The following RALYL variants were observed in gnomAD, a reference collection of about 807,000 sequenced individuals.
RALYL encodes the protein RALY RNA binding protein like, also known as RNA-binding Raly-like protein.
Under a neutral mutation model 35.1 loss-of-function variants are expected in RALYL, and 29 were observed. That is an observed-to-expected ratio of 0.83 (90% confidence interval 0.61 to 1.13). The LOEUF is 1.13. RALYL is among the 50% of genes most tolerant of loss of function. RALYL has a pLI of 0.00. For missense variants in RALYL, 359 were observed against 360.4 expected, an observed-to-expected ratio of 1.00 and a Z score of 0.03; for synonymous variants, 120 against 127.6, an observed-to-expected ratio of 0.94 and a Z score of 0.40.
At chr8:84,844,118 G>C (rs1003128509) in intron 4 of RALYL, among the ~76,000 whole-genome samples, 3 of 152,098 alleles carry the variant, frequency 2.0e-5, no homozygotes, top group African/African-American at 7.2e-5. Flanking sequence ...ATTGACAAAT[G>C]GGATCTAATT....
intron 2 of RALYL, among the ~76,000 whole-genome samples, chr8:84,621,876 A>G (rs1821591682): frequency 6.6e-6 from 1 of 152,162 alleles, no homozygotes; most frequent in African/African-American, 2.4e-5. Context: ...TTGCAGTGCT[A>G]ATTTAGCCAT....
At chr8:84,307,429 T>A (rs1444536028) in intron 1 of RALYL, among the ~76,000 whole-genome samples, 6 of 152,134 alleles carry the variant, frequency 3.9e-5, no homozygotes, top group Non-Finnish European at 7.4e-5. Context: ...ATTAAATAGT[T>A]TGCCCTCTCT....
At chr8:84,660,835 A>G (rs1830761872) in intron 2 of RALYL, among the ~76,000 whole-genome samples, 1 of 152,148 alleles carries the variant, frequency 6.6e-6, no homozygotes, top group Non-Finnish European at 1.5e-5. Context: ...AGAATTTGAA[A>G]AGAAAGTTTG....
intron 2 of RALYL, among the ~76,000 whole-genome samples, chr8:84,540,564 AG>A (rs1244117688): frequency 1.3e-5 from 2 of 150,348 alleles, no homozygotes; most frequent in Non-Finnish European, 3.0e-5. Flanking sequence ...GATAAAAAAA[AG>A]TGTTGTCTTG....
chr8:84,212,422 T>C (rs1819720670), intron 1 of RALYL, among the ~76,000 whole-genome samples: 1 of 152,166 alleles, frequency 6.6e-6, no homozygotes, highest in Admixed American at 6.6e-5. Context: ...TGGGGAGATA[T>C]GATTTTCTCA....
chr8:84,688,873 C>A (rs755099549), intron 2 of RALYL, among the ~76,000 whole-genome samples: 2 of 151,800 alleles, frequency 1.3e-5, no homozygotes, highest in Non-Finnish European at 2.9e-5. Context: ...CAATAGCGAA[C>A]AGCAAATAAT....
chr8:84,553,439 G>A (rs145459927), intron 2 of RALYL, among the ~76,000 whole-genome samples: 3 of 152,258 alleles, frequency 2.0e-5, no homozygotes, highest in African/African-American at 7.2e-5. Flanking sequence ...TTACAGGTGT[G>A]AGCCACTGTC....
chr8:84,511,756 A>C (rs956557478), intron 1 of RALYL, among the ~76,000 whole-genome samples: 1 of 151,248 alleles, frequency 6.6e-6, no homozygotes, highest in Non-Finnish European at 1.5e-5. Flanking sequence ...TCTACTCTCT[A>C]CCTCCCTTAG....
intron 2 of RALYL, among the ~76,000 whole-genome samples, chr8:84,539,911 C>G (rs556314330): frequency 1.6e-5 from 2 of 123,612 alleles, no homozygotes; most frequent in Admixed American, 8.1e-5. Context: ...TGTGTGTGTA[C>G]ATGCACAGAC....
chr8:84,844,982 G>C (rs553723151), intron 4 of RALYL, among the ~76,000 whole-genome samples: 4 of 152,082 alleles, frequency 2.6e-5, no homozygotes, highest in Admixed American at 2.0e-4. Context: ...GTGGGGGAAG[G>C]GGGGAGGGAT....
At chr8:84,687,975 T>A (rs1461657468) in intron 2 of RALYL, among the ~76,000 whole-genome samples, 2 of 152,050 alleles carry the variant, frequency 1.3e-5, no homozygotes, top group Non-Finnish European at 2.9e-5. Context: ...GATAATATAC[T>A]CATAATCAGT....
At chr8:84,207,488 A>G (rs1428017666) in intron 1 of RALYL, among the ~76,000 whole-genome samples, 6 of 152,086 alleles carry the variant, frequency 3.9e-5, no homozygotes, top group Non-Finnish European at 5.9e-5. Context: ...ATACTACATT[A>G]TATTACTTAT....
chr8:84,624,390 G>T (rs926601077), intron 2 of RALYL, among the ~76,000 whole-genome samples: 5 of 152,150 alleles, frequency 3.3e-5, no homozygotes, highest in East Asian at 1.9e-4. Flanking sequence ...CTATAGGAAA[G>T]AATCCTTTTC....
At chr8:84,693,871 T>A (rs2132199870) in intron 2 of RALYL, among the ~76,000 whole-genome samples, 1 of 151,950 alleles carries the variant, frequency 6.6e-6, no homozygotes, top group Middle Eastern at 3.4e-3. Flanking sequence ...AACCATATGA[T>A]CACCTCAAAG....
chr8:84,293,521 C>G (rs1839178046), intron 1 of RALYL, among the ~76,000 whole-genome samples: 1 of 152,096 alleles, frequency 6.6e-6, no homozygotes, highest in South Asian at 2.1e-4. Flanking sequence ...GAAATTCTCT[C>G]CTGTGGCCTG....
At chr8:84,422,318 T>C (rs2045737503) in intron 1 of RALYL, among the ~76,000 whole-genome samples, 1 of 120,278 alleles carries the variant, frequency 8.3e-6, no homozygotes, top group Non-Finnish European at 1.7e-5. Context: ...TCTTCTAGAT[T>C]TTCTAGTTTA....
At chr8:84,778,375 C>A (rs915734238) in intron 3 of RALYL, among the ~76,000 whole-genome samples, 1 of 152,132 alleles carries the variant, frequency 6.6e-6, no homozygotes, top group Non-Finnish European at 1.5e-5. Flanking sequence ...TTCAATAAGG[C>A]CTTATTATGT....
At chr8:84,765,911 T>C (rs1198010071) in intron 2 of RALYL, among the ~76,000 whole-genome samples, 1 of 152,100 alleles carries the variant, frequency 6.6e-6, no homozygotes, top group African/African-American at 2.4e-5. Flanking sequence ...CTTTTAGACT[T>C]ATTCACATTT....
In RALYL at chr8:84,536,867, C is replaced by T. The variant is rs182777821; in HGVS notation, c.256+7290C>T. Among the ~76,000 whole-genome samples the T allele has an allele frequency of 2.2e-3, 336 of 152,212 alleles. 1 individual carries two copies. The highest frequency in any genetic ancestry group is 3.5e-3 in the Non-Finnish European group (237 of 68,006). On this transcript the variant is annotated intron_variant, in intron 2 of 8. Transcript: ENST00000521268. ...CTTCAGCTACTTTAAATATTCGCTG[C>T]AATAAGCATACAAAAATATTTGAAT... is the stretch of plus-strand genomic sequence containing the variant.
Sources: allele counts gnomAD v4.1 joint callset (sites outside exome capture counted in the v4.1 genomes callset), GRCh38; gene constraint gnomAD v4.1.1; transcripts MANE v1.5; gene names NCBI Gene and HGNC (gene_info 2026-07-23, HGNC 2026-07-21).